CD1B: variants seen among roughly 807,000 people sequenced by gnomAD.
CD1B encodes the protein CD1b molecule.
CD1B carries 43 observed loss-of-function variants against 39.8 expected under a neutral mutation model. That is an observed-to-expected ratio of 1.08 (90% CI 0.85 to 1.39). The LOEUF (loss-of-function observed/expected upper bound fraction) is 1.39, where lower values mean the gene tolerates loss of function less well. CD1B is among the 40% of genes most tolerant of loss of function. The probability of loss-of-function intolerance (pLI) is 0.00; values close to 1 mark genes in which losing one functional copy is unlikely to be tolerated. For missense variants in CD1B, 495 were observed against 403.8 expected (o/e 1.23, Z -1.94); for synonymous variants, 192 against 152.5 (o/e 1.26, Z -1.91).
chr1:158,295,149 G>A, the CD1B span, among the ~76,000 whole-genome samples: 2 of 152,022 alleles, frequency 1.3e-5, no homozygotes, highest in African/African-American at 2.4e-5. Flanking sequence ...AGACAAGATG[G>A]CTGACTAGAT....
the CD1B span, chr1:158,292,602 C>T: frequency 1.3e-5 from 21 of 1,612,480 alleles, no homozygotes; most frequent in Non-Finnish European, 1.7e-5. Flanking sequence ...GCAGTGAGGC[C>T]AGAAGCCTGG....
At chr1:158,329,237 A>G (rs1345930371) in intron 4 of CD1B, 133 bp downstream of exon 4, 4 of 1,207,708 alleles carry the variant, frequency 3.3e-6, no homozygotes, top group Non-Finnish European at 4.6e-6. Flanking sequence ...TCCTGTTGGG[A>G]TTGGGGTCAG....
the CD1B span, chr1:158,290,171 AGT>A: frequency 2.6e-6 from 4 of 1,565,200 alleles, no homozygotes; most frequent in Non-Finnish European, 3.5e-6. Context: ...ATCTGGGTAG[AGT>A]GTGCTGGGCT....
the CD1B span, among the ~76,000 whole-genome samples, chr1:158,291,647 A>T: frequency 6.6e-6 from 1 of 152,116 alleles, no homozygotes; most frequent in African/African-American, 2.4e-5. Context: ...CCTACAATCC[A>T]GAGATACACA....
chr1:158,292,022 T>A, the CD1B span: 2 of 1,520,530 alleles, frequency 1.3e-6, no homozygotes, highest in Non-Finnish European at 1.8e-6. Flanking sequence ...AGCCCTAGGT[T>A]TTTATACTGT....
At chr1:158,323,928 G>A (rs1268789570), downstream of CD1B, among the ~76,000 whole-genome samples, 1 of 152,224 alleles carries the variant, frequency 6.6e-6, no homozygotes, top group African/African-American at 2.4e-5. Flanking sequence ...ACAAAGGCTG[G>A]TGGTCCCACC....
At chr1:158,295,808 C>A in the CD1B span, among the ~76,000 whole-genome samples, 1 of 151,222 alleles carries the variant, frequency 6.6e-6, no homozygotes, top group Admixed American at 6.6e-5. Flanking sequence ...CACTGGCTGA[C>A]CCCACCAAAC....
chr1:158,297,949 CAA>C, the CD1B span, among the ~76,000 whole-genome samples: 325 of 129,392 alleles, frequency 2.5e-3, no homozygotes, highest in Non-Finnish European at 3.8e-3. Context: ...TTAAAAAAGA[CAA>C]AAAAAAAAAA....
At chr1:158,302,227 A>C in the CD1B span, among the ~76,000 whole-genome samples, 5 of 152,214 alleles carry the variant, frequency 3.3e-5, no homozygotes, top group East Asian at 7.7e-4. Context: ...GAAATCAGGA[A>C]ATTGTTCTAA....
At chr1:158,304,604 A>G in the CD1B span, among the ~76,000 whole-genome samples, 13 of 152,196 alleles carry the variant, frequency 8.5e-5, no homozygotes, top group Middle Eastern at 3.2e-3. Flanking sequence ...TTCTCCCAGC[A>G]TGCAGCTGGA....
At chr1:158,301,261 C>A in the CD1B span, among the ~76,000 whole-genome samples, 1 of 152,012 alleles carries the variant, frequency 6.6e-6, no homozygotes, top group East Asian at 1.9e-4. Context: ...CAGTCTGTGT[C>A]TTTTAATTGT....
At chr1:158,292,438 C>T in the CD1B span, 2 of 1,528,328 alleles carry the variant, frequency 1.3e-6, no homozygotes, top group African/African-American at 1.4e-5. Flanking sequence ...ACCCTTCAAA[C>T]TCAGGACAAG....
At chr1:158,305,594 C>A in the CD1B span, among the ~76,000 whole-genome samples, 5 of 152,140 alleles carry the variant, frequency 3.3e-5, no homozygotes, top group Non-Finnish European at 7.3e-5. Context: ...CACAAAGATA[C>A]TCCTCAAGAA....
At position 158,331,002 on chromosome 1, in the gene CD1B, C is replaced by T; in HGVS notation, c.122G>A (p.Trp41Ter). Reference sequence around the variant, plus strand: ...CCAGCCTGAGCCTTGAGTTTGTGCCCAGGTACTATTGGTAAAGGACGAGGT... The same window carrying T: ...CCAGCCTGAGCCTTGAGTTTGTGCCTAGGTACTATTGGTAAAGGACGAGGT... ...IQTSSFTNST[W>*]AQTQGSGWLD... Residue 41 changes from tryptophan to a stop codon, truncating the protein, a stop_gained, in exon 2 of 6, where the codon TGG (tryptophan) becomes TAG (stop). Coordinates refer to ENST00000368168, the MANE Select transcript of CD1B (RefSeq NM_001764.3). LOFTEE classifies it high-confidence loss of function. 6.2e-7 allele frequency: 1 copy of T among 1,614,040 alleles called. No homozygotes were observed. The highest frequency in any genetic ancestry group is 8.5e-7 in the Non-Finnish European group (1 of 1,180,012).
chr1:158,290,987 T>C, the CD1B span: 1 of 807,336 alleles, frequency 1.2e-6, no homozygotes, highest in Non-Finnish European at 1.9e-6. Flanking sequence ...TGGCAGAGCA[T>C]GGGGCTCTGT....
chr1:158,287,314 G>A, the CD1B span, among the ~76,000 whole-genome samples: 1 of 152,022 alleles, frequency 6.6e-6, no homozygotes, highest in Admixed American at 6.5e-5. Flanking sequence ...GAGACAGAGA[G>A]CGACAGGGAG....
the CD1B span, among the ~76,000 whole-genome samples, chr1:158,309,648 G>T: frequency 6.6e-6 from 1 of 152,098 alleles, no homozygotes; most frequent in Non-Finnish European, 1.5e-5. Flanking sequence ...ATACTATGCA[G>T]CCATAAAAAA....
At chr1:158,289,712 T>C in the CD1B span, 7 of 185,940 alleles carry the variant, frequency 3.8e-5, no homozygotes, top group Admixed American at 3.5e-4. Context: ...TTCTCCTTTT[T>C]ATCTTACAAA....
At chr1:158,291,134 C>T in the CD1B span, 11 of 1,610,582 alleles carry the variant, frequency 6.8e-6, no homozygotes, top group Middle Eastern at 1.7e-4. Context: ...CCACCAAAAG[C>T]ATCCCAGGAA....
Sources: allele counts gnomAD v4.1 joint callset (sites outside exome capture counted in the v4.1 genomes callset), GRCh38; gene constraint gnomAD v4.1.1; transcripts MANE v1.5; gene names NCBI Gene and HGNC (gene_info 2026-07-23, HGNC 2026-07-21).